GABBR2: variants seen among roughly 807,000 people sequenced by gnomAD.
The protein encoded by GABBR2 is G-protein coupled receptor 51.
Under a neutral mutation model 105.6 loss-of-function variants are expected in GABBR2, and 23 were observed. The ratio of observed to expected loss-of-function variants is 0.22; its 90% CI spans 0.16 to 0.31. The LOEUF is 0.31. Among genes scored for constraint, GABBR2 ranks in the 10% least tolerant of loss-of-function variants. The pLI, the probability that GABBR2 is intolerant of heterozygous loss-of-function variation, is 1.00. For synonymous variants in GABBR2, 478 were observed against 499.7 expected (o/e 0.96, Z 0.58); for missense variants, 734 against 1,245.5 (o/e 0.59, Z 6.18).
intron 12 of GABBR2, among the ~76,000 whole-genome samples, chr9:98,366,680 A>C (rs1831682852): frequency 6.6e-6 from 1 of 152,202 alleles, no homozygotes; most frequent in South Asian, 2.1e-4. Context: ...TACAGCATGG[A>C]TGGTGCCCCT....
intron 3 of GABBR2, among the ~76,000 whole-genome samples, chr9:98,515,803 A>G (rs12347388): frequency 0.088 from 13,408 of 152,256 alleles, 686 homozygotes; most frequent in African/African-American, 0.12. Flanking sequence ...ACAATCTTAC[A>G]AAGCAGATCC....
chr9:98,415,242 G>A (rs1832667401), intron 7 of GABBR2, among the ~76,000 whole-genome samples: 1 of 151,910 alleles, frequency 6.6e-6, no homozygotes, highest in Non-Finnish European at 1.5e-5. Context: ...TATAATAAAT[G>A]GGTATTATTT....
At chr9:98,321,750 C>A (rs1411731184) in intron 13 of GABBR2, among the ~76,000 whole-genome samples, 1 of 152,164 alleles carries the variant, frequency 6.6e-6, no homozygotes, top group East Asian at 1.9e-4. Flanking sequence ...CAATTAAACC[C>A]GGAGAAGAAA....
At chr9:98,481,304 T>A (rs1826917760) in intron 4 of GABBR2, among the ~76,000 whole-genome samples, 1 of 152,238 alleles carries the variant, frequency 6.6e-6, no homozygotes, top group Admixed American at 6.5e-5. Context: ...ACCTCCCCTG[T>A]TCTCCTCCCA....
chr9:98,329,381 C>A (rs1418869469), intron 13 of GABBR2, among the ~76,000 whole-genome samples: 2 of 152,236 alleles, frequency 1.3e-5, no homozygotes, highest in African/African-American at 4.8e-5. Flanking sequence ...TGACTAAACA[C>A]CTAGTCACAC....
rs1011278380 is a variant in GABBR2, at chr9:98,318,959, G to T, written c.1894-7754C>A. On this transcript the variant is annotated intron_variant, in intron 13 of 18. Coordinates refer to ENST00000259455, the MANE Select transcript of GABBR2 (RefSeq NM_005458.8). ...GTGGTGTGTGTGTATTAGGGGGTGT[G>T]TTTGGCCTTCCCAGACTGCATTTCA... Among the ~76,000 whole-genome samples the T allele has an allele frequency of 2.6e-5, 4 of 151,914 alleles. No homozygotes were observed. In the East Asian group the frequency reaches 7.7e-4, roughly 29 times the overall value.
At chr9:98,470,929 C>T (rs181844244) in intron 6 of GABBR2, among the ~76,000 whole-genome samples, 10 of 152,216 alleles carry the variant, frequency 6.6e-5, no homozygotes, top group Admixed American at 2.0e-4. Context: ...GAAGGACTAG[C>T]GCTGTTTAGT....
intron 8 of GABBR2, among the ~76,000 whole-genome samples, chr9:98,397,018 C>T (rs968797384): frequency 2.0e-5 from 3 of 152,162 alleles, no homozygotes; most frequent in African/African-American, 7.2e-5. Flanking sequence ...GGAGGAGCCT[C>T]AAATAGGTTA....
chr9:98,466,424 T>G (rs1005230858), intron 6 of GABBR2, among the ~76,000 whole-genome samples: 8 of 152,112 alleles, frequency 5.3e-5, no homozygotes, highest in Admixed American at 2.6e-4. Flanking sequence ...ACATGGGTGC[T>G]CTCCTTCAAT....
intron 1 of GABBR2, among the ~76,000 whole-genome samples, chr9:98,707,781 C>A (rs1830917359): frequency 6.6e-6 from 1 of 152,230 alleles, no homozygotes. Context: ...CCTGAAATCG[C>A]TCTGGCCACA....
At chr9:98,620,362 C>T (rs540743068) in intron 1 of GABBR2, among the ~76,000 whole-genome samples, 6 of 151,510 alleles carry the variant, frequency 4.0e-5, no homozygotes, top group East Asian at 3.9e-4. Context: ...CGTTAAGGAC[C>T]GTCTCCTACA....
At chr9:98,570,597 T>C (rs1361249670) in intron 2 of GABBR2, among the ~76,000 whole-genome samples, 1 of 152,072 alleles carries the variant, frequency 6.6e-6, no homozygotes, top group Non-Finnish European at 1.5e-5. Context: ...ATTCTCCTGG[T>C]TTTTCCCAGG....
chr9:98,452,303 C>G (rs1826246583), intron 7 of GABBR2, among the ~76,000 whole-genome samples: 1 of 152,236 alleles, frequency 6.6e-6, no homozygotes, highest in Non-Finnish European at 1.5e-5. Context: ...GAACACAGGA[C>G]AGCACTTTAG....
intron 1 of GABBR2, among the ~76,000 whole-genome samples, chr9:98,609,748 G>A (rs1829478879): frequency 6.6e-6 from 1 of 152,160 alleles, no homozygotes; most frequent in Admixed American, 6.5e-5. Context: ...AGGCTCCTTG[G>A]GTGCCAGTGG....
At chr9:98,706,005 G>A (rs1830887025) in intron 1 of GABBR2, among the ~76,000 whole-genome samples, 1 of 152,056 alleles carries the variant, frequency 6.6e-6, no homozygotes, top group African/African-American at 2.4e-5. Flanking sequence ...GACCCTGGGA[G>A]GTGGAGGTTG....
intron 3 of GABBR2, among the ~76,000 whole-genome samples, chr9:98,510,051 A>T (rs1827603974): frequency 1.3e-5 from 2 of 152,286 alleles, no homozygotes; most frequent in Non-Finnish European, 2.9e-5. Context: ...AGGGAAGTCC[A>T]TCAGACTAAC....
At chr9:98,599,963 T>G (rs1233822520) in intron 1 of GABBR2, among the ~76,000 whole-genome samples, 1 of 152,142 alleles carries the variant, frequency 6.6e-6, no homozygotes, top group Non-Finnish European at 1.5e-5. Context: ...ACTGCCTGGA[T>G]GCAGAGAGTG....
At chr9:98,343,420 G>A (rs58104655) in intron 13 of GABBR2, among the ~76,000 whole-genome samples, 41,372 of 152,022 alleles carry the variant, frequency 0.27, 6,706 homozygotes, top group African/African-American at 0.45. Context: ...AGACCATTTT[G>A]GAATGGTCAG....
At chr9:98,313,762 A>G (rs199499105) in intron 13 of GABBR2, among the ~76,000 whole-genome samples, 3 of 123,600 alleles carry the variant, frequency 2.4e-5, no homozygotes, top group Non-Finnish European at 3.3e-5. Context: ...ATCACTAGGA[A>G]GAAGGTACTT....
Sources: gnomAD v4.1 joint callset for allele counts (sites outside exome capture counted in the v4.1 genomes callset) on GRCh38, gnomAD v4.1.1 for gene constraint, MANE v1.5 for transcripts, NCBI Gene and HGNC (gene_info 2026-07-23, HGNC 2026-07-21) for gene names.